The following MEIS1 variants were observed in gnomAD, a reference collection of about 807,000 sequenced individuals.
The protein encoded by MEIS1 is Meis homeobox 1.
MEIS1 carries 5 observed loss-of-function variants against 50.8 expected under a neutral mutation model. That is an observed-to-expected ratio of 0.10 (90% CI 0.05 to 0.21). The LOEUF is 0.21. MEIS1 is among the 10% of genes least tolerant of loss of function. The pLI is 1.00. For synonymous variants in MEIS1, 176 were observed against 179.3 expected (o/e 0.98, Z 0.15); for missense variants, 318 against 517.3 (o/e 0.61, Z 3.74).
chr2:66,535,852 A>G (rs1005015961), intron 8 of MEIS1, among the ~76,000 whole-genome samples: 1 of 152,218 alleles, frequency 6.6e-6, no homozygotes, highest in South Asian at 2.1e-4. Context: ...GTTGTTAACT[A>G]AGATAAAATA....
chr2:66,506,286 C>T (rs919285384), intron 7 of MEIS1, among the ~76,000 whole-genome samples: 1 of 152,152 alleles, frequency 6.6e-6, no homozygotes, highest in Non-Finnish European at 1.5e-5. Flanking sequence ...GCAAATACCT[C>T]TTAGAGGAGA....
At chr2:66,467,653 T>C (rs1473937096) in intron 7 of MEIS1, among the ~76,000 whole-genome samples, 2 of 152,126 alleles carry the variant, frequency 1.3e-5, no homozygotes, top group Non-Finnish European at 2.9e-5. Context: ...GTACATAAGA[T>C]GTGTAATTAC....
At chr2:66,529,554 G>C (rs1340812945) in intron 8 of MEIS1, among the ~76,000 whole-genome samples, 1 of 151,980 alleles carries the variant, frequency 6.6e-6, no homozygotes, top group Non-Finnish European at 1.5e-5. Context: ...CTCCTGCCTC[G>C]GCCTCCTGAG....
chr2:66,573,187 C>G lies in MEIS1; in HGVS notation c.*1979C>G, dbSNP rs945033521. ...TTTTTATAAATATGCTCTATGTTCTCATTGGATAAAACTGGTTATTAACCA... is the reference window on the plus strand; with the variant it reads ...TTTTTATAAATATGCTCTATGTTCTGATTGGATAAAACTGGTTATTAACCA... On this transcript the variant is annotated 3_prime_UTR_variant, in exon 13 of 13. Coordinates refer to ENST00000272369, the MANE Select transcript of MEIS1 (RefSeq NM_002398.3). The G allele has an allele frequency of 6.6e-6, 1 of 152,176 alleles. No individual in the cohort carries two copies. Among genetic ancestry groups the G allele is most frequent in the African/African-American group, 2.4e-5 (1 of 41,428 alleles). The allele number at this position is 152,176 out of a possible 1,614,324, so 9.4% of individuals were successfully genotyped here. A position where few individuals can be genotyped will look rare whatever the true frequency, so the allele number is the denominator to read the frequency against.
At chr2:66,532,340 A>G (rs569845960) in intron 8 of MEIS1, among the ~76,000 whole-genome samples, 10 of 152,246 alleles carry the variant, frequency 6.6e-5, no homozygotes, top group Admixed American at 6.5e-4. Context: ...ATAAATCTTT[A>G]GTGAGTTAAT....
At chr2:66,551,564 C>G (rs1674923041) in intron 9 of MEIS1, among the ~76,000 whole-genome samples, 1 of 151,946 alleles carries the variant, frequency 6.6e-6, no homozygotes. Context: ...TGGGCCAAGT[C>G]TATGCCAATA....
At chr2:66,533,733 A>G (rs748659131) in intron 8 of MEIS1, among the ~76,000 whole-genome samples, 1 of 152,154 alleles carries the variant, frequency 6.6e-6, no homozygotes, top group Non-Finnish European at 1.5e-5. Context: ...AAAAAAATTC[A>G]AGATCGTGAC....
At chr2:66,456,164 A>G (rs1285803487) in intron 6 of MEIS1, among the ~76,000 whole-genome samples, 1 of 152,086 alleles carries the variant, frequency 6.6e-6, no homozygotes, top group African/African-American at 2.4e-5. Context: ...ACTGGGAAAT[A>G]TGGAACTCTA....
intron 7 of MEIS1, among the ~76,000 whole-genome samples, chr2:66,486,224 G>C (rs563273546): frequency 6.6e-6 from 1 of 152,290 alleles, no homozygotes; most frequent in Non-Finnish European, 1.5e-5. Flanking sequence ...GGTTTTTATG[G>C]TTTTAGGTCC....
intron 7 of MEIS1, among the ~76,000 whole-genome samples, chr2:66,473,397 A>AAAAAAAAT: frequency 9.3e-6 from 1 of 107,596 alleles, no homozygotes; most frequent in Admixed American, 9.6e-5. Context: ...AAAAAAAAAA[A>AAAAAAAAT]ATATATATAT....
Position 66,571,760 on chromosome 2 carries a change from A to T in MEIS1, c.*552A>T. On this transcript the variant is annotated 3_prime_UTR_variant, in exon 13 of 13. Transcript: ENST00000272369. ...AGAGTGAAATATTGTAAATGCTATT[A>T]TACTGTTATCCATATTACGTTGTTT... The T allele has an allele frequency of 5.5e-6, 3 of 540,618 alleles. No individual in the cohort carries two copies. Among genetic ancestry groups the T allele is most frequent in the Non-Finnish European group, 6.5e-6 (2 of 309,600 alleles). 33.5% of individuals were successfully genotyped at this position (540,618 alleles called of 1,614,324 possible).
At chr2:66,448,013 C>G (rs1382838510) in intron 6 of MEIS1, among the ~76,000 whole-genome samples, 1 of 152,154 alleles carries the variant, frequency 6.6e-6, no homozygotes, top group Admixed American at 6.5e-5. Flanking sequence ...CTTCCCCCAC[C>G]AGAATGACTC....
At chr2:66,521,841 T>C (rs970120665) in intron 8 of MEIS1, among the ~76,000 whole-genome samples, 2 of 152,164 alleles carry the variant, frequency 1.3e-5, no homozygotes, top group African/African-American at 4.8e-5. Flanking sequence ...TGTAAAATGG[T>C]ACCTGACCCC....
At chr2:66,461,156 C>G (rs980666115) in intron 6 of MEIS1, among the ~76,000 whole-genome samples, 1 of 152,158 alleles carries the variant, frequency 6.6e-6, no homozygotes, top group East Asian at 1.9e-4. Flanking sequence ...CAAGTGGCCC[C>G]AAGCAACTCA....
chr2:66,567,756 C>T, intron 10 of MEIS1: 3 of 629,254 alleles, frequency 4.8e-6, no homozygotes. Flanking sequence ...TGCTCAGTTA[C>T]AATATTCTTT....
intron 6 of MEIS1, among the ~76,000 whole-genome samples, chr2:66,453,914 A>G (rs1396032511): frequency 6.6e-6 from 1 of 152,002 alleles, no homozygotes; most frequent in Non-Finnish European, 1.5e-5. Flanking sequence ...AACACTTGAG[A>G]CTAAACAGTT....
chr2:66,445,945 C>G (rs912586388), intron 6 of MEIS1, among the ~76,000 whole-genome samples: 14 of 152,194 alleles, frequency 9.2e-5, no homozygotes, highest in Admixed American at 7.9e-4. Context: ...AGGTCCCTGC[C>G]GGAGAGAGCC....
chr2:66,489,651 G>A (rs1673227619), intron 7 of MEIS1, among the ~76,000 whole-genome samples: 1 of 152,208 alleles, frequency 6.6e-6, no homozygotes, highest in African/African-American at 2.4e-5. Flanking sequence ...CAAAGAGGAT[G>A]AAGATAAACT....
chr2:66,463,854 T>A (rs1223395887), intron 6 of MEIS1, among the ~76,000 whole-genome samples: 1 of 152,224 alleles, frequency 6.6e-6, no homozygotes, highest in African/African-American at 2.4e-5. Context: ...AATGTTTTTG[T>A]TTTCCTTAGT....
Sources: allele counts gnomAD v4.1 joint callset (sites outside exome capture counted in the v4.1 genomes callset), GRCh38; gene constraint gnomAD v4.1.1; transcripts MANE v1.5; gene names NCBI Gene and HGNC (gene_info 2026-07-23, HGNC 2026-07-21).